The following GNAZ variants were observed in gnomAD, a reference collection of about 807,000 sequenced individuals.
GNAZ encodes the protein G protein subunit alpha z.
Under a neutral mutation model 25.4 loss-of-function variants are expected in GNAZ, and 3 were observed. The ratio of observed to expected loss-of-function variants is 0.12; its 90% CI spans 0.05 to 0.30. GNAZ has a LOEUF of 0.30. GNAZ is among the 10% of genes least tolerant of loss of function. The pLI is 1.00. For synonymous variants in GNAZ, 211 were observed against 205.7 expected (o/e 1.03, Z -0.22); for missense variants, 241 against 501.8 (o/e 0.48, Z 4.97).
chr22:23,110,723 A>T (rs908900871), intron 2 of GNAZ, among the ~76,000 whole-genome samples: 6 of 152,218 alleles, frequency 3.9e-5, no homozygotes, highest in African/African-American at 1.4e-4. Context: ...CCTGGTTGTC[A>T]TAGAAACAGC....
At chr22:23,104,675 C>A (rs2069407930) in intron 2 of GNAZ, among the ~76,000 whole-genome samples, 1 of 152,162 alleles carries the variant, frequency 6.6e-6, no homozygotes, top group Non-Finnish European at 1.5e-5. Flanking sequence ...GTGCTGGGGG[C>A]CTTGCTGACT....
rs901633580 is a variant in GNAZ at position 23,118,309 on chromosome 22, T to C, written c.724-4778T>C. On this transcript the variant is annotated intron_variant, in intron 2 of 2. Transcript: ENST00000615612. ...GCACAAGCTTCTCACAGGAACTGTC[T>C]GCTCCGTGTTATTTATATAAATAAA... is the stretch of plus-strand genomic sequence containing the variant. Among the ~76,000 whole-genome samples the C allele has an allele frequency of 5.3e-5, 8 of 152,354 alleles. No individual in the cohort carries two copies. In the East Asian group the frequency reaches 1.5e-3, roughly 29 times the overall value.
intron 2 of GNAZ, among the ~76,000 whole-genome samples, chr22:23,111,133 G>A (rs2069643125): frequency 6.6e-6 from 1 of 152,210 alleles, no homozygotes; most frequent in Non-Finnish European, 1.5e-5. Flanking sequence ...TCCTCCACCT[G>A]CTCTCACACT....
chr22:23,103,600 A>G (rs1238613161), intron 2 of GNAZ, among the ~76,000 whole-genome samples: 1 of 152,236 alleles, frequency 6.6e-6, no homozygotes, highest in Non-Finnish European at 1.5e-5. Context: ...CTTCCTCGGC[A>G]GATTTAAGAG....
chr22:23,099,584 C>G (rs910582267), intron 2 of GNAZ, among the ~76,000 whole-genome samples: 2 of 152,272 alleles, frequency 1.3e-5, no homozygotes, highest in Admixed American at 6.5e-5. Flanking sequence ...CTCAGGCACA[C>G]AGCTGGCGCT....
intron 1 of GNAZ, among the ~76,000 whole-genome samples, chr22:23,083,495 C>T (rs2068733539): frequency 6.6e-6 from 1 of 152,186 alleles, no homozygotes; most frequent in Admixed American, 6.5e-5. Context: ...TTTGGTGTTC[C>T]TCCATCTATC....
intron 1 of GNAZ, among the ~76,000 whole-genome samples, chr22:23,073,152 TCTCA>T (rs1235692604): frequency 1.3e-5 from 2 of 152,222 alleles, no homozygotes; most frequent in African/African-American, 4.8e-5. Context: ...GCAAAGGCAC[TCTCA>T]CTGCTGCTGA....
rs1162062721 is a variant in GNAZ, at chr22:23,124,488, G to A, written c.*1057G>A. ...CCTCTGCAGTGTCCTCTTGTTAATGGTGGGGTTTTCTGCTTTGTTTTTATT... is the reference window on the plus strand; with the variant it reads ...CCTCTGCAGTGTCCTCTTGTTAATGATGGGGTTTTCTGCTTTGTTTTTATT... On this transcript the variant is annotated 3_prime_UTR_variant, in exon 3 of 3. Coordinates refer to ENST00000615612, the MANE Select transcript of GNAZ (RefSeq NM_002073.4). The A allele has an allele frequency of 2.5e-6, 1 of 398,962 alleles. No homozygotes were observed. Among genetic ancestry groups the A allele is most frequent in the Non-Finnish European group, 5.3e-6 (1 of 187,742 alleles). The allele number at this position is 398,962 out of a possible 1,614,324, so 24.7% of individuals were successfully genotyped here. A position where few individuals can be genotyped will look rare whatever the true frequency, so the allele number is the denominator to read the frequency against.
At chr22:23,081,546 C>T (rs2068678152) in intron 1 of GNAZ, among the ~76,000 whole-genome samples, 1 of 151,770 alleles carries the variant, frequency 6.6e-6, no homozygotes, top group Non-Finnish European at 1.5e-5. Context: ...ATGTTATAGG[C>T]CAATCAGGTT....
Position 23,095,297 on chromosome 22 carries a change from CACACCAGCG to C in GNAZ, c.-396_-388del, listed in dbSNP as rs2069093379. On this transcript the variant is annotated 5_prime_UTR_variant, in exon 2 of 3. Coordinates refer to ENST00000615612, the MANE Select transcript of GNAZ (RefSeq NM_002073.4). ...GCCGGAGGCGGGGGGCTGCAGGGAG[CACACCAGCG>C]ACCGGCCCTCCAACCCTCCAGCCAC... 4.4e-6 allele frequency: 1 copy of C among 229,860 alleles called. No homozygotes were observed. Among genetic ancestry groups the C allele is most frequent in the Admixed American group, 5.2e-5 (1 of 19,096 alleles). The allele number at this position is 229,860 out of a possible 1,614,324, so 14.2% of individuals were successfully genotyped here. A position where few individuals can be genotyped will look rare whatever the true frequency, so the allele number is the denominator to read the frequency against.
At chr22:23,089,040 A>T (rs1311557994) in intron 1 of GNAZ, among the ~76,000 whole-genome samples, 1 of 151,848 alleles carries the variant, frequency 6.6e-6, no homozygotes, top group African/African-American at 2.4e-5. Context: ...GTCTTGGCTC[A>T]CTCTTTCCGT....
At chr22:23,117,595 CAGTG>C (rs1295779063) in intron 2 of GNAZ, among the ~76,000 whole-genome samples, 1 of 152,258 alleles carries the variant, frequency 6.6e-6, no homozygotes, top group Non-Finnish European at 1.5e-5. Context: ...AGGCGAATCA[CAGTG>C]GGTGTGGCGT....
At position 23,123,817 on chromosome 22, in the gene GNAZ, G is replaced by T. The variant is rs751854855; in HGVS notation, c.*386G>T. On this transcript the variant is annotated 3_prime_UTR_variant, in exon 3 of 3. Coordinates refer to ENST00000615612, the MANE Select transcript of GNAZ (RefSeq NM_002073.4). ...GTTAGGGATAGGCAGCAGGGCTGAG[G>T]CAAGGTAGGCCAACTGCACCCCTGT... 2.1e-5 allele frequency: 5 copies of T among 241,566 alleles called. No homozygotes were observed. The highest frequency in any genetic ancestry group is 3.2e-5 in the Non-Finnish European group (4 of 123,124). The allele number at this position is 241,566 out of a possible 1,614,324, so 15.0% of individuals were successfully genotyped here. A position where few individuals can be genotyped will look rare whatever the true frequency, so the allele number is the denominator to read the frequency against.
chr22:23,120,091 G>A (rs1231114418), intron 2 of GNAZ, among the ~76,000 whole-genome samples: 2 of 152,224 alleles, frequency 1.3e-5, no homozygotes, highest in Non-Finnish European at 2.9e-5. Context: ...CCTGATAAGA[G>A]TGTACTGTGA....
chr22:23,076,104 G>A (rs1451470017), intron 1 of GNAZ, among the ~76,000 whole-genome samples: 1 of 152,216 alleles, frequency 6.6e-6, no homozygotes, highest in South Asian at 2.1e-4. Context: ...GGCAGTGAGG[G>A]CTGGCTCTTA....
intron 1 of GNAZ, among the ~76,000 whole-genome samples, chr22:23,078,367 A>ACAGCCATGCC (rs978128916): frequency 1.3e-5 from 2 of 152,170 alleles, no homozygotes; most frequent in Non-Finnish European, 2.9e-5. Context: ...GCACGCAAGC[A>ACAGCCATGCC]CAGCCATGCC....
chr22:23,118,767 C>T (rs1466974204), intron 2 of GNAZ, among the ~76,000 whole-genome samples: 3 of 152,220 alleles, frequency 2.0e-5, no homozygotes, highest in Non-Finnish European at 2.9e-5. Context: ...GGCCACATGA[C>T]TCCAAAGCTG....
At position 23,087,645 on chromosome 22, in the gene GNAZ, G is replaced by A. The variant is rs574007159; in HGVS notation, c.-449-7602G>A. ...GCATTCAGGAAGCAAAGTTTTTAAGGATAACTTGGTGGATGGGGGGTAGCC... is the reference window on the plus strand; with the variant it reads ...GCATTCAGGAAGCAAAGTTTTTAAGAATAACTTGGTGGATGGGGGGTAGCC... On this transcript the variant is annotated intron_variant, in intron 1 of 2. Transcript: ENST00000615612. Among the ~76,000 whole-genome samples the A allele has an allele frequency of 3.3e-5, 5 of 152,204 alleles. No individual in the cohort carries two copies. In the South Asian group the frequency reaches 1.0e-3, roughly 31 times the overall value.
At chr22:23,120,442 C>G (rs922364002) in intron 2 of GNAZ, among the ~76,000 whole-genome samples, 1 of 152,172 alleles carries the variant, frequency 6.6e-6, no homozygotes, top group Non-Finnish European at 1.5e-5. Context: ...TGCAGAGGAC[C>G]AGTCTGGTTT....
Sources: gnomAD v4.1 joint callset for allele counts (sites outside exome capture counted in the v4.1 genomes callset) on GRCh38, gnomAD v4.1.1 for gene constraint, MANE v1.5 for transcripts, NCBI Gene and HGNC (gene_info 2026-07-23, HGNC 2026-07-21) for gene names.